The following ZNF484 variants were observed in gnomAD, a reference collection of about 807,000 sequenced individuals.
The protein encoded by ZNF484 is KRAB box containing C2H2 type zinc finger bA526D8.4.
In ZNF484, 11 loss-of-function variants were observed where a neutral mutation model predicts 12.9. The observed-to-expected ratio is 0.85, with a 90% CI of 0.54 to 1.41. ZNF484 has a LOEUF of 1.41. Ranked by LOEUF, ZNF484 falls within the 40% of genes most tolerant of loss-of-function variation. The pLI is 0.00. For missense variants in ZNF484, 807 were observed against 1,007.7 expected, an observed-to-expected ratio of 0.80 and a Z score of 2.70; for synonymous variants, 289 against 334.1, an observed-to-expected ratio of 0.86 and a Z score of 1.47.
intron 2 of ZNF484, among the ~76,000 whole-genome samples, chr9:92,872,108 G>A (rs1489711895): frequency 6.6e-6 from 1 of 152,036 alleles, no homozygotes; most frequent in African/African-American, 2.4e-5. Flanking sequence ...GCACATGCCT[G>A]TAATACCAGC....
Position 92,846,567 on chromosome 9 carries a change from T to C in ZNF484, c.2220A>G (p.Arg740=), listed in dbSNP as rs1427986783. Residue 740 remains arginine, a synonymous_variant, in exon 5 of 5, where the codon AGA becomes AGG. Coordinates refer to ENST00000375495, the MANE Select transcript of ZNF484 (RefSeq NM_031486.4). ...CATAGGGTTTCTCTCCAGTATGAAT[T>C]CTCCTGTGTCTATTTAAGTGTGACT... ...IQKSHLNRHR[R]IHTGEKPYEC... The C allele has an allele frequency of 5.0e-6, 8 of 1,613,838 alleles. No homozygotes were observed. Among genetic ancestry groups the C allele is most frequent in the Non-Finnish European group, 5.9e-6 (7 of 1,179,962 alleles).
intron 1 of ZNF484, among the ~76,000 whole-genome samples, chr9:92,877,072 G>A (rs1857861728): frequency 6.6e-6 from 1 of 152,068 alleles, no homozygotes; most frequent in Admixed American, 6.5e-5. Flanking sequence ...AATAATTTGG[G>A]AATGAATAAA....
chr9:92,867,515 A>AC lies in ZNF484; in HGVS notation c.15+7499_15+7500insG, dbSNP rs1465739477. ...AAAGCAAAACAAAACAACAACAACAAAAAAACAAACCTAGATGACAGGTTG... is the reference window on the plus strand; with the variant it reads ...AAAGCAAAACAAAACAACAACAACAACAAAAACAAACCTAGATGACAGGTTG... On this transcript the variant is annotated intron_variant, in intron 2 of 4. Transcript: ENST00000375495. Among the ~76,000 whole-genome samples the AC allele has an allele frequency of 1.6e-4, 24 of 152,238 alleles. 2 individuals carry two copies. The East Asian group carries it at 4.1e-3, about 26-fold the overall frequency.
intron 2 of ZNF484, among the ~76,000 whole-genome samples, chr9:92,874,554 C>T (rs1054337977): frequency 6.6e-6 from 1 of 152,032 alleles, no homozygotes; most frequent in Non-Finnish European, 1.5e-5. Flanking sequence ...TCATGTGATC[C>T]ACCTGCCTCG....
intron 4 of ZNF484, among the ~76,000 whole-genome samples, chr9:92,850,686 C>T (rs1194985011): frequency 6.6e-6 from 1 of 152,134 alleles, no homozygotes; most frequent in Non-Finnish European, 1.5e-5. Context: ...CGGGTTCAAG[C>T]AATTCTCCTG....
chr9:92,851,604 T>G (rs1856086674), intron 4 of ZNF484, among the ~76,000 whole-genome samples: 1 of 152,236 alleles, frequency 6.6e-6, no homozygotes, highest in Non-Finnish European at 1.5e-5. Context: ...CTAGAAACTT[T>G]GTCCCTGAAC....
At chr9:92,853,303 T>C (rs960490126) in intron 4 of ZNF484, among the ~76,000 whole-genome samples, 1 of 152,116 alleles carries the variant, frequency 6.6e-6, no homozygotes, top group Non-Finnish European at 1.5e-5. Flanking sequence ...TCTGAGAAGA[T>C]GGATTAGAGG....
chr9:92,875,851 TTCTAAA>T (rs66481952), intron 1 of ZNF484, among the ~76,000 whole-genome samples: 54,572 of 151,576 alleles, frequency 0.36, 10,033 homozygotes, highest in Admixed American at 0.41. Context: ...TAGAAAACAC[TTCTAAA>T]TCTAATTGTG....
rs1440920091 is a variant in ZNF484, at chr9:92,847,268, C to T, written c.1519G>A (p.Asp507Asn). The change falls in exon 5 of 5, where the codon GAC becomes AAC. Residue 507 changes from aspartate to asparagine, a missense_variant. Asp to Asn is a conservative substitution (Grantham distance 23, BLOSUM62 1). Transcript: ENST00000375495. ...TGGTGCTTAATGAGATTTGACCTGT[C>T]AGTAAAGGCCTTACCACACACAGTA... Reference protein sequence around the residue: ...ICTVCGKAFTDRSNLIKHQKI... With the variant: ...ICTVCGKAFTNRSNLIKHQKI... The T allele has an allele frequency of 7.4e-6, 12 of 1,613,936 alleles. No homozygotes were observed. The highest frequency in any genetic ancestry group is 1.6e-4 in the Middle Eastern group (1 of 6,084).
At position 92,845,522 on chromosome 9, in the gene ZNF484, T is replaced by A. The variant is rs899646827; in HGVS notation, c.*706A>T. 2.6e-5 allele frequency: 4 copies of A among 152,204 alleles called. No homozygotes were observed. The highest frequency in any genetic ancestry group is 5.9e-5 in the Non-Finnish European group (4 of 68,036). The allele number at this position is 152,204 out of a possible 1,614,324, so 9.4% of individuals were successfully genotyped here. A position where few individuals can be genotyped will look rare whatever the true frequency, so the allele number is the denominator to read the frequency against. ...TGGGAAAAAATTTTAGGATTTGATA[T>A]CCATTTTCTTAATTTGTCCTATTTT... On this transcript the variant is annotated 3_prime_UTR_variant, in exon 5 of 5. Transcript: ENST00000375495. The surrounding 1 kb of genome is among the most constrained non-coding windows in gnomAD (Gnocchi z 4.0).
chr9:92,856,760 C>T (rs1305310904), intron 2 of ZNF484, among the ~76,000 whole-genome samples: 2 of 152,114 alleles, frequency 1.3e-5, no homozygotes, highest in Non-Finnish European at 2.9e-5. Flanking sequence ...CTCGCTCAGT[C>T]GCCCAGGCTG....
chr9:92,856,959 C>A lies in ZNF484; in HGVS notation c.16-641G>T, dbSNP rs570489754. ...CAGGATGGTCTCGATCTCCTGACCT[C>A]GTGATCCGCCCGCCTCAGCCTCCCA... On this transcript the variant is annotated intron_variant, in intron 2 of 4. Transcript: ENST00000375495. Among the ~76,000 whole-genome samples the A allele has an allele frequency of 1.6e-4, 25 of 152,230 alleles. 1 individual carries two copies. The South Asian group carries it at 5.2e-3, about 32-fold the overall frequency.
chr9:92,855,833 C>T lies in ZNF484; in HGVS notation c.213G>A (p.Glu71=), dbSNP rs1398122493. 6.2e-7 allele frequency: 1 copy of T among 1,614,148 alleles called. No individual in the cohort carries two copies. The highest frequency in any genetic ancestry group is 1.7e-5 in the Admixed American group (1 of 60,018). Residue 71 remains glutamate (E), a synonymous_variant, in exon 4 of 5, where the codon GAG becomes GAA. Transcript: ENST00000375495. ...EQEEPCMLDG[E]IPSQSRPDGD... ...CACCTGGACGGCTCTGACTGGGGAT[C>T]TCACCATCCAACATACATGGCTCTT...
chr9:92,846,688 G>C lies in ZNF484; in HGVS notation c.2099C>G (p.Ala700Gly), dbSNP rs1293736570. ...AATTAGTGTTGATTTTCTTGCAAAGGCTTTCCCACATTCACTGCACTCATA... is the reference window on the plus strand; with the variant it reads ...AATTAGTGTTGATTTTCTTGCAAAGCCTTTCCCACATTCACTGCACTCATA... ...RHYECSECGK[A>G]FARKSTLIMH... is the part of the protein sequence containing the mutation. The change falls in exon 5 of 5, where the codon GCC (alanine) becomes GGC (glycine). Residue 700 changes from alanine to glycine, a missense_variant. By Grantham distance (60) the Ala-to-Gly change is moderately conservative. Coordinates refer to ENST00000375495, the MANE Select transcript of ZNF484 (RefSeq NM_031486.4). 1.9e-6 allele frequency: 3 copies of C among 1,614,000 alleles called. No homozygotes were observed. Among genetic ancestry groups the C allele is most frequent in the Non-Finnish European group, 2.5e-6 (3 of 1,180,000 alleles).
chr9:92,872,431 G>C (rs865950255), intron 2 of ZNF484, among the ~76,000 whole-genome samples: 1 of 73,230 alleles, frequency 1.4e-5, no homozygotes, highest in Non-Finnish European at 2.5e-5. Flanking sequence ...TTCAGGTTGC[G>C]GTGAGCCGAG....
In ZNF484 at chr9:92,875,074, G is replaced by C. The variant is rs751126748; in HGVS notation, c.-30-15C>G. ...GGGGCAGAAATCTGAGAAAACAGAT[G>C]GGTAGAGGTACCCATGAGAGAAGGA... On this transcript the variant is annotated splice_polypyrimidine_tract_variant and intron_variant, in intron 1 of 4. Transcript: ENST00000375495. 3.3e-5 allele frequency: 53 copies of C among 1,613,400 alleles called. No homozygotes were observed. Among genetic ancestry groups the C allele is most frequent in the Non-Finnish European group, 4.2e-5 (50 of 1,179,714 alleles).
chr9:92,864,694 A>AT (rs1856966581), intron 2 of ZNF484, among the ~76,000 whole-genome samples: 1 of 152,216 alleles, frequency 6.6e-6, no homozygotes, highest in Non-Finnish European at 1.5e-5. Context: ...TATAATTCAT[A>AT]TTTTGAATGA....
chr9:92,875,149 C>T, intron 1 of ZNF484, 90 bp from the exon 2 acceptor site: 1 of 1,093,654 alleles, frequency 9.1e-7, no homozygotes, highest in East Asian at 2.6e-5. Flanking sequence ...TGCCCTTGCA[C>T]CTTACTCAAA....
Position 92,856,406 on chromosome 9 carries a change from G to A in ZNF484, c.16-88C>T, listed in dbSNP as rs16908598. 4.2e-3 allele frequency: 4,622 copies of A among 1,105,418 alleles called. 158 individuals are homozygous for A. In the African/African-American group the frequency reaches 0.066, roughly 16 times the overall value. The allele number at this position is 1,105,418 out of a possible 1,614,324, so 68.5% of individuals were successfully genotyped here. A position where few individuals can be genotyped will look rare whatever the true frequency, so the allele number is the denominator to read the frequency against. ...AAAAAACCTTTCAATGTGAAGGATC[G>A]AGATTACAGAATGGAAACAAGATAG... On this transcript the variant is annotated intron_variant, in intron 2 of 4. Transcript: ENST00000375495.
Sources: allele counts gnomAD v4.1 joint callset (sites outside exome capture counted in the v4.1 genomes callset), GRCh38; gene constraint gnomAD v4.1.1; non-coding constraint Gnocchi (gnomAD v3.1); transcripts MANE v1.5; gene names NCBI Gene and HGNC (gene_info 2026-07-23, HGNC 2026-07-21).